Variants in PROCA1 observed in about 807,000 individuals in gnomAD.
PROCA1 encodes the protein protein PROCA1.
Under a neutral mutation model 23.2 loss-of-function variants are expected in PROCA1, and 22 were observed. That is an observed-to-expected ratio of 0.95 (90% CI 0.68 to 1.35). PROCA1 has a LOEUF of 1.35. Among genes scored for constraint, PROCA1 ranks in the 40% most tolerant of loss-of-function variants. The probability of loss-of-function intolerance (pLI) is 0.00; values close to 1 mark genes in which losing one functional copy is unlikely to be tolerated. For synonymous variants in PROCA1, 182 were observed against 179.2 expected (o/e 1.02, Z -0.12); for missense variants, 469 against 459.8 (o/e 1.02, Z -0.18).
At position 28,711,563 on chromosome 17, in the gene PROCA1, C is replaced by A; in HGVS notation, c.91+7G>T. 1 of 1,608,128 alleles carries A rather than the reference C, an allele frequency of 6.2e-7. No individual in the cohort carries two copies. The highest frequency in any genetic ancestry group is 8.5e-7 in the Non-Finnish European group (1 of 1,178,334). On this transcript the variant is annotated splice_region_variant and intron_variant, in intron 1 of 4. Transcript: ENST00000682792. ...CCTCTGCCCAGCCCCTGCCCCGCCC[C>A]TCTTACCGCGGCATCTGCTCTCATC...
At chr17:28,711,027 G>GT in intron 1 of PROCA1, 2 of 1,206,390 alleles carry the variant, frequency 1.7e-6, no homozygotes, top group Non-Finnish European at 2.1e-6. Context: ...GAAACTAGGA[G>GT]AGGAAGGAGG....
At chr17:28,708,092 C>T (rs113098321) in intron 1 of PROCA1, among the ~76,000 whole-genome samples, 45 of 152,264 alleles carry the variant, frequency 3.0e-4, no homozygotes, top group African/African-American at 9.1e-4. Flanking sequence ...TTACTGCACC[C>T]TCCGCCTCCC....
chr17:28,704,453 C>G lies in PROCA1; in HGVS notation c.312-18G>C, dbSNP rs1363677607. ...CCTTCAGCCTGCCACACATGGGACT[C>G]TCAGCCTGGCTCCCATCACTCCCCC... On this transcript the variant is annotated intron_variant, in intron 3 of 4. Coordinates refer to ENST00000682792, the MANE Select transcript of PROCA1 (RefSeq NM_001366301.1). The G allele has an allele frequency of 6.2e-7, 1 of 1,602,394 alleles. No homozygotes were observed. Among genetic ancestry groups the G allele is most frequent in the Non-Finnish European group, 8.5e-7 (1 of 1,173,420 alleles).
chr17:28,711,736 C>T lies in PROCA1; in HGVS notation c.-76G>A. The T allele has an allele frequency of 7.4e-7, 1 of 1,354,084 alleles. No individual in the cohort carries two copies. The allele number at this position is 1,354,084 out of a possible 1,614,324, so 83.9% of individuals were successfully genotyped here. On this transcript the variant is annotated 5_prime_UTR_variant, in exon 1 of 5. Coordinates refer to ENST00000682792, the MANE Select transcript of PROCA1 (RefSeq NM_001366301.1). ...CCCTGAGCCTCAGCCCGGCCGAGCC[C>T]TCGGCCCAGCCGTGAACTCCAGTCT...
At position 28,703,314 on chromosome 17, in the gene PROCA1, C is replaced by T. The variant is rs967032013; in HGVS notation, c.*244G>A. ...GAGAGGGGAAGCCCTCCTTCCCACC[C>T]CAGATACACTCTTCCACCTTGTCCT... On this transcript the variant is annotated 3_prime_UTR_variant, in exon 5 of 5. Coordinates refer to ENST00000682792, the MANE Select transcript of PROCA1 (RefSeq NM_001366301.1). The T allele has an allele frequency of 7.5e-5, 40 of 532,116 alleles. No individual in the cohort carries two copies. Among genetic ancestry groups the T allele is most frequent in the Non-Finnish European group, 1.2e-4 (37 of 301,518 alleles). The allele number at this position is 532,116 out of a possible 1,614,324, so 33.0% of individuals were successfully genotyped here.
chr17:28,707,657 C>T (rs1019303787), intron 1 of PROCA1, among the ~76,000 whole-genome samples: 27 of 152,182 alleles, frequency 1.8e-4, no homozygotes, highest in African/African-American at 6.5e-4. Context: ...ACACCTTCTC[C>T]TTCTTTACTG....
In PROCA1 at chr17:28,704,663, C is replaced by T. The variant is rs137985218; in HGVS notation, c.311+45G>A. ...TGAAGGGGAGACCACAATGAAAGTT[C>T]GGACCTGGCTCTGCCATGGGTCCCC... On this transcript the variant is annotated intron_variant, in intron 3 of 4. Coordinates refer to ENST00000682792, the MANE Select transcript of PROCA1 (RefSeq NM_001366301.1). The T allele has an allele frequency of 1.4e-3, 2,228 of 1,608,168 alleles. 17 individuals carry two copies. In the African/African-American group the frequency reaches 0.017, roughly 12 times the overall value.
chr17:28,709,552 G>A (rs1389834520), intron 1 of PROCA1, among the ~76,000 whole-genome samples: 3 of 148,782 alleles, frequency 2.0e-5, no homozygotes, highest in Non-Finnish European at 3.0e-5. Flanking sequence ...ACCGCACCCG[G>A]CCCATAGCCA....
In PROCA1 at chr17:28,704,772, C is replaced by A. The variant is rs765433249; in HGVS notation, c.247G>T (p.Ala83Ser). The change falls in exon 3 of 5, where the codon GCC (alanine) becomes TCC (serine). Residue 83 changes from alanine to serine, a missense_variant. Ala to Ser is a moderately conservative substitution (Grantham distance 99). Coordinates refer to ENST00000682792, the MANE Select transcript of PROCA1 (RefSeq NM_001366301.1). ...AGGCTGTGGCGGACACAGTCAGAGG[C>A]GAAAGGGTAGATGATGTGCCCAGTG... ...QCTGHIIYPF[A>S]SDCVRHSLHL... is the part of the protein sequence containing the mutation. 2.5e-6 allele frequency: 4 copies of A among 1,613,886 alleles called. No individual in the cohort carries two copies. The highest frequency in any genetic ancestry group is 3.4e-6 in the Non-Finnish European group (4 of 1,180,008).
At position 28,704,097 on chromosome 17, in the gene PROCA1, G is replaced by C. The variant is rs759956496; in HGVS notation, c.556C>G (p.Pro186Ala). ...GCGGGCCCCACCTGTGTCGGGATGG[G>C]GGGCTTGCTTTCCTCCTCCTCCTCT... is the stretch of plus-strand genomic sequence containing the variant. ...EEEEEEESKP[P>A]IPTQVGPATA... is the part of the protein sequence containing the mutation. Residue 186 changes from proline to alanine, a missense_variant, in exon 5 of 5, where the codon CCC (proline) becomes GCC (alanine). Transcript: ENST00000682792. The C allele has an allele frequency of 2.3e-5, 37 of 1,585,092 alleles. No individual in the cohort carries two copies. Among genetic ancestry groups the C allele is most frequent in the Non-Finnish European group, 3.2e-5 (37 of 1,170,170 alleles).
Position 28,704,777 on chromosome 17 carries a change from G to A in PROCA1, c.242C>T (p.Pro81Leu). The change falls in exon 3 of 5, where the codon CCT becomes CTT. Residue 81 changes from proline (P) to leucine (L), a missense_variant. Coordinates refer to ENST00000682792, the MANE Select transcript of PROCA1 (RefSeq NM_001366301.1). ...HKQCTGHIIYPFASDCVRHSL... is the reference protein window; with the variant it reads ...HKQCTGHIIYLFASDCVRHSL... ...GTGGCGGACACAGTCAGAGGCGAAA[G>A]GGTAGATGATGTGCCCAGTGCACTG... 6.2e-7 allele frequency: 1 copy of A among 1,614,012 alleles called. No homozygotes were observed. The highest frequency in any genetic ancestry group is 8.5e-7 in the Non-Finnish European group (1 of 1,180,010).
rs564467384 is a variant in PROCA1, at chr17:28,711,636, T to C, written c.25A>G (p.Ile9Val). The C allele has an allele frequency of 2.9e-5, 47 of 1,612,640 alleles. No individual in the cohort carries two copies. The South Asian group carries it at 4.1e-4, about 14-fold the overall frequency. ...GTCTTTTCCTTAGTCCATCTTTCAA[T>C]TGTGAGCGTCGTCCTGACCCACATC... MWVRTTLT[I>V]ERWTKEKTEP... The change falls in exon 1 of 5, where the codon ATT becomes GTT. Residue 9 changes from isoleucine (I) to valine (V), a missense_variant. By Grantham distance (29) the Ile-to-Val change is conservative. Transcript: ENST00000682792.
At chr17:28,705,072 T>C in intron 2 of PROCA1, 1 of 473,078 alleles carries the variant, frequency 2.1e-6, no homozygotes, top group Non-Finnish European at 3.8e-6. Context: ...CCTGCAGTCC[T>C]GTGATTCCCT....
At position 28,706,725 on chromosome 17, in the gene PROCA1, G is replaced by A. The variant is rs545444951; in HGVS notation, c.130C>T (p.Leu44=). 8.4e-6 allele frequency: 11 copies of A among 1,303,888 alleles called. No homozygotes were observed. The African/African-American group carries it at 1.5e-4, about 18-fold the overall frequency. The allele number at this position is 1,303,888 out of a possible 1,614,324, so 80.8% of individuals were successfully genotyped here. The change falls in exon 2 of 5, where the codon CTG becomes TTG. Residue 44 remains leucine, a synonymous_variant. Coordinates refer to ENST00000682792, the MANE Select transcript of PROCA1 (RefSeq NM_001366301.1). ...RLPSWERGHL[L]AGVASSTDVS... is the part of the protein sequence containing the mutation. ...TCAGTGCTGGACGCCACACCAGCCA[G>A]CAGATGTCCTCTCTCCCAGCTGGGT...
rs778355819 is a variant in PROCA1, at chr17:28,703,816, G to A, written c.837C>T (p.Asp279=). ...GTCTTGCGCTTAATGATCGGCTCAC[G>A]TCTGGCGGGGAAGGCTCCAATTTAA... ...SPVKLEPSPP[D]VSRSLSARQL... is the part of the protein sequence containing the mutation. Residue 279 remains aspartate (D), a synonymous_variant, in exon 5 of 5, where the codon GAC becomes GAT. Transcript: ENST00000682792. 2.3e-5 allele frequency: 37 copies of A among 1,614,068 alleles called. No individual in the cohort carries two copies. The Admixed American group carries it at 2.7e-4, about 12-fold the overall frequency.
chr17:28,705,789 C>G (rs1263776946), intron 2 of PROCA1: 1 of 152,410 alleles, frequency 6.6e-6, no homozygotes, highest in Non-Finnish European at 1.5e-5. Flanking sequence ...GCGCCTCTCA[C>G]AGCCCAGAAT....
At chr17:28,704,543 ACCT>A in intron 3 of PROCA1, 108 bp from the exon 4 acceptor site, 2 of 1,544,328 alleles carry the variant, frequency 1.3e-6, no homozygotes, top group Non-Finnish European at 8.7e-7. Flanking sequence ...AGGCCAACAG[ACCT>A]CCTCCCCATT....
chr17:28,711,589 C>T lies in PROCA1; in HGVS notation c.72G>A (p.Trp24Ter), dbSNP rs752325880. 3.1e-6 allele frequency: 5 copies of T among 1,611,778 alleles called. No individual in the cohort carries two copies. Among genetic ancestry groups the T allele is most frequent in the Non-Finnish European group, 4.2e-6 (5 of 1,179,422 alleles). Reference protein sequence around the residue: ...KEKTEPKARSWDESRCRDVNR... With the variant: ...KEKTEPKARS ...TCTTACCGCGGCATCTGCTCTCATC[C>T]CACGAGCGGGCCTTGGGCTCGGTCT... The change falls in exon 1 of 5, where the codon TGG becomes TGA. Residue 24 changes from tryptophan to a stop codon, truncating the protein, a stop_gained. Transcript: ENST00000682792. LOFTEE classifies it high-confidence loss of function.
intron 1 of PROCA1, among the ~76,000 whole-genome samples, chr17:28,709,662 C>T (rs114729009): frequency 0.017 from 2,579 of 151,930 alleles, 72 homozygotes; most frequent in African/African-American, 0.057. Flanking sequence ...GAGTGAGATT[C>T]TGTCTTATAA....
Sources: gnomAD v4.1 joint callset for allele counts (sites outside exome capture counted in the v4.1 genomes callset) on GRCh38, gnomAD v4.1.1 for gene constraint, MANE v1.5 for transcripts, NCBI Gene and HGNC (gene_info 2026-07-23, HGNC 2026-07-21) for gene names.